Variants in DCC observed in about 807,000 individuals in gnomAD.
DCC encodes the protein DCC netrin 1 receptor, also known as netrin receptor DCC.
A neutral mutation model predicts 172.5 loss-of-function variants in DCC; 58 were observed. That is an observed-to-expected ratio of 0.34 (90% confidence interval 0.27 to 0.42). The LOEUF (loss-of-function observed/expected upper bound fraction) is 0.42. Ranked by LOEUF, DCC falls within the 10% of genes least tolerant of loss-of-function variation. The pLI, the probability that DCC is intolerant of heterozygous loss-of-function variation, is 1.00. For synonymous variants in DCC, 709 were observed against 644.5 expected, an observed-to-expected ratio of 1.10 and a Z score of -1.52; for missense variants, 1,740 against 1,791.0, an observed-to-expected ratio of 0.97 and a Z score of 0.51.
chr18:52,502,486 A>T (rs1007589136), intron 1 of DCC, among the ~76,000 whole-genome samples: 5 of 152,178 alleles, frequency 3.3e-5, no homozygotes, highest in African/African-American at 1.2e-4. Flanking sequence ...ATACTGGGTG[A>T]TATCCTTGCC....
intron 5 of DCC, among the ~76,000 whole-genome samples, chr18:53,034,287 C>T (rs1176368470): frequency 6.6e-6 from 1 of 151,904 alleles, no homozygotes; most frequent in African/African-American, 2.4e-5. Flanking sequence ...TACACATTTG[C>T]CTAGTTGTTT....
At chr18:52,594,438 G>A (rs1401270333) in intron 1 of DCC, among the ~76,000 whole-genome samples, 2 of 152,108 alleles carry the variant, frequency 1.3e-5, no homozygotes, top group Admixed American at 6.5e-5. Context: ...TTAGTGACCT[G>A]CTGACTTTGG....
chr18:52,634,064 G>C (rs1210376481), intron 1 of DCC, among the ~76,000 whole-genome samples: 1 of 152,194 alleles, frequency 6.6e-6, no homozygotes, highest in Non-Finnish European at 1.5e-5. Flanking sequence ...ATCTTTGTTG[G>C]GAGGAGTCAC....
At chr18:52,891,575 A>T (rs1018526209) in intron 2 of DCC, among the ~76,000 whole-genome samples, 1 of 152,126 alleles carries the variant, frequency 6.6e-6, no homozygotes, top group African/African-American at 2.4e-5. Flanking sequence ...CTCCTGTTTA[A>T]TTTTTAACCA....
intron 15 of DCC, among the ~76,000 whole-genome samples, chr18:53,367,454 G>T (rs535147094): frequency 6.6e-6 from 1 of 152,258 alleles, no homozygotes; most frequent in African/African-American, 2.4e-5. Context: ...ACAAAGTATA[G>T]AAGTGGTATT....
At chr18:52,382,201 C>T (rs1331662975) in intron 1 of DCC, among the ~76,000 whole-genome samples, 1 of 151,996 alleles carries the variant, frequency 6.6e-6, no homozygotes, top group Non-Finnish European at 1.5e-5. Flanking sequence ...TGTCATAGAC[C>T]ACGCAGTCAT....
intron 12 of DCC, among the ~76,000 whole-genome samples, chr18:53,248,366 A>C (rs947063747): frequency 2.6e-5 from 4 of 152,006 alleles, no homozygotes; most frequent in African/African-American, 9.7e-5. Context: ...GGCCAATGAG[A>C]CTTAAGGAAA....
chr18:53,210,950 C>T (rs1004711570), intron 11 of DCC, among the ~76,000 whole-genome samples: 52 of 151,562 alleles, frequency 3.4e-4, no homozygotes, highest in African/African-American at 1.2e-3. Context: ...TTACAATGAG[C>T]CATTTTTTTT....
intron 2 of DCC, among the ~76,000 whole-genome samples, chr18:52,884,193 C>G (rs2039536308): frequency 6.6e-6 from 1 of 151,938 alleles, no homozygotes; most frequent in Non-Finnish European, 1.5e-5. Flanking sequence ...GGTTAAATCT[C>G]CTTGGTGCTC....
chr18:52,484,448 T>C (rs2030111392), intron 1 of DCC, among the ~76,000 whole-genome samples: 1 of 152,148 alleles, frequency 6.6e-6, no homozygotes, highest in Admixed American at 6.6e-5. Context: ...TATTTTCCCA[T>C]TCAGCATTCC....
rs1418722244 is a variant in DCC at position 52,820,629 on chromosome 18, G to A, written c.412+68255G>A. 3.3e-5 allele frequency among the ~76,000 whole-genome samples: 5 copies of A among 152,044 alleles called. No homozygotes were observed. In the East Asian group the frequency reaches 5.8e-4, roughly 18 times the overall value. On this transcript the variant is annotated intron_variant, in intron 2 of 28. Coordinates refer to ENST00000442544, the MANE Select transcript of DCC (RefSeq NM_005215.4). Reference sequence around the variant, plus strand: ...AGCAGTATGATGCATCCAACAAGGGGCCGACCAGAAATTCTGACCTCCAGA... The same window carrying A: ...AGCAGTATGATGCATCCAACAAGGGACCGACCAGAAATTCTGACCTCCAGA...
intron 22 of DCC, among the ~76,000 whole-genome samples, chr18:53,444,358 A>G (rs1912461197): frequency 6.6e-6 from 1 of 152,212 alleles, no homozygotes; most frequent in South Asian, 2.1e-4. Flanking sequence ...CCTGTCCAAC[A>G]TGGTGAAACA....
chr18:52,360,293 TAATTTCCTCTG>T (rs1188021779), intron 1 of DCC, among the ~76,000 whole-genome samples: 2 of 152,254 alleles, frequency 1.3e-5, no homozygotes, highest in African/African-American at 4.8e-5. Context: ...TCATGCACTT[TAATTTCCTCTG>T]AAGAAGAAAT....
intron 1 of DCC, among the ~76,000 whole-genome samples, chr18:52,636,275 G>A (rs531507866): frequency 5.3e-5 from 8 of 152,198 alleles, no homozygotes; most frequent in African/African-American, 1.9e-4. Context: ...AAAACTACAC[G>A]GGGAGAAGCA....
At chr18:52,551,627 G>C (rs371625138) in intron 1 of DCC, among the ~76,000 whole-genome samples, 3 of 151,542 alleles carry the variant, frequency 2.0e-5, no homozygotes, top group African/African-American at 7.3e-5. Context: ...TTACAAGCAG[G>C]CTTTGAATAA....
chr18:53,319,245 C>G (rs1368678941), intron 13 of DCC, among the ~76,000 whole-genome samples: 1 of 152,134 alleles, frequency 6.6e-6, no homozygotes, highest in Non-Finnish European at 1.5e-5. Flanking sequence ...ATGACAGGAT[C>G]AAATTCACAC....
intron 5 of DCC, among the ~76,000 whole-genome samples, chr18:52,980,878 C>G (rs1400758865): frequency 6.6e-6 from 1 of 150,396 alleles, no homozygotes; most frequent in East Asian, 1.9e-4. Flanking sequence ...GAAATCTAGG[C>G]TAATCTGATT....
rs58766349 is a variant in DCC at position 53,017,058 on chromosome 18, G to GTT, written c.986-46238_986-46237dup. Among the ~76,000 whole-genome samples the GTT allele has an allele frequency of 4.3e-4, 62 of 143,600 alleles. 1 individual carries two copies. Among genetic ancestry groups the GTT allele is most frequent in the South Asian group, 3.3e-3 (15 of 4,588 alleles). The allele number at this position is 143,600 out of a possible 152,430, so 94.2% of individuals were successfully genotyped here. A position where few individuals can be genotyped will look rare whatever the true frequency, so the allele number is the denominator to read the frequency against. ...GGCAATGTGACATAAATCATGGTATGTTTTTTTTTTCTTTTTCTTTTCTTT... is the reference window on the plus strand; with the variant it reads ...GGCAATGTGACATAAATCATGGTATGTTTTTTTTTTTTCTTTTTCTTTTCTTT... On this transcript the variant is annotated intron_variant, in intron 5 of 28. Transcript: ENST00000442544.
intron 24 of DCC, among the ~76,000 whole-genome samples, chr18:53,463,119 AT>A (rs562619511): frequency 3.0e-4 from 46 of 152,228 alleles, no homozygotes; most frequent in Non-Finnish European, 5.6e-4. Flanking sequence ...TTGACTGGAT[AT>A]CAGGGAGGGG....
Sources: gnomAD v4.1 joint callset for allele counts (sites outside exome capture counted in the v4.1 genomes callset) on GRCh38, gnomAD v4.1.1 for gene constraint, MANE v1.5 for transcripts, NCBI Gene and HGNC (gene_info 2026-07-23, HGNC 2026-07-21) for gene names.